The following TENM3 variants were observed in gnomAD, a reference collection of about 807,000 sequenced individuals.
TENM3 encodes teneurin-3.
Under a neutral mutation model 255.1 loss-of-function variants are expected in TENM3, and 63 were observed. The ratio of observed to expected loss-of-function variants is 0.25; its 90% CI spans 0.20 to 0.30. The LOEUF (loss-of-function observed/expected upper bound fraction) is 0.30, where lower values mean the gene tolerates loss of function less well. Among genes scored for constraint, TENM3 ranks in the 10% least tolerant of loss-of-function variants. The pLI is 1.00. For synonymous variants in TENM3, 1,306 were observed against 1,322.3 expected (o/e 0.99, Z 0.27); for missense variants, 2,929 against 3,461.1 (o/e 0.85, Z 3.86).
At chr4:181,709,659 A>G in the TENM3 span, among the ~76,000 whole-genome samples, 8 of 152,256 alleles carry the variant, frequency 5.3e-5, no homozygotes, top group Admixed American at 2.6e-4. Flanking sequence ...CATACAGGAC[A>G]TTGGAGGGAC....
At chr4:181,545,249 C>A in the TENM3 span, among the ~76,000 whole-genome samples, 6 of 151,526 alleles carry the variant, frequency 4.0e-5, no homozygotes, top group Non-Finnish European at 7.4e-5. Context: ...TGCTAGTAAA[C>A]AAATATGTAA....
At chr4:182,098,004 A>G in the TENM3 span, among the ~76,000 whole-genome samples, 1 of 152,208 alleles carries the variant, frequency 6.6e-6, no homozygotes, top group Non-Finnish European at 1.5e-5. Context: ...AAAGAATCCA[A>G]TGTTAAGATG....
chr4:181,853,237 A>T, the TENM3 span, among the ~76,000 whole-genome samples: 1 of 152,218 alleles, frequency 6.6e-6, no homozygotes, highest in Non-Finnish European at 1.5e-5. Context: ...TCCTCAAGGG[A>T]ATTTATCTCC....
chr4:182,786,430 T>G (rs533877864), intron 24 of TENM3, among the ~76,000 whole-genome samples: 20 of 151,964 alleles, frequency 1.3e-4, no homozygotes, highest in African/African-American at 4.8e-4. Flanking sequence ...TGGTGGCACA[T>G]GATTGTAATC....
At chr4:181,590,968 T>C in the TENM3 span, among the ~76,000 whole-genome samples, 1 of 152,198 alleles carries the variant, frequency 6.6e-6, no homozygotes, top group Admixed American at 6.5e-5. Flanking sequence ...ATATAAATAA[T>C]CTCCTTACTT....
At chr4:182,661,956 A>G (rs1454734491) in intron 6 of TENM3, among the ~76,000 whole-genome samples, 2 of 152,220 alleles carry the variant, frequency 1.3e-5, no homozygotes, top group Admixed American at 6.5e-5. Context: ...TTAGCATTTT[A>G]TAATTTTCAC....
chr4:181,537,330 G>T, the TENM3 span, among the ~76,000 whole-genome samples: 1 of 152,088 alleles, frequency 6.6e-6, no homozygotes, highest in Admixed American at 6.5e-5. Flanking sequence ...TTCTACATGA[G>T]ACATTTTCCT....
rs150764937 is a variant in TENM3 at position 182,612,977 on chromosome 4, G to A, written c.749+11816G>A. The stretch of plus-strand genomic sequence containing the variant: ...CCATGAACAACTCTCAACTCTTACC[G>A]CCGGAAATTCTTTTATTCTTCATAA... On this transcript the variant is annotated intron_variant, in intron 4 of 27. Coordinates refer to ENST00000511685, the MANE Select transcript of TENM3 (RefSeq NM_001080477.4). Among the ~76,000 whole-genome samples the A allele has an allele frequency of 4.2e-3, 640 of 152,106 alleles. 1 individual carries two copies. Among genetic ancestry groups the A allele is most frequent in the Non-Finnish European group, 6.8e-3 (463 of 67,988 alleles).
chr4:182,285,030 A>G (rs1360963688), intron 1 of TENM3, among the ~76,000 whole-genome samples: 1 of 152,180 alleles, frequency 6.6e-6, no homozygotes, highest in Non-Finnish European at 1.5e-5. Context: ...GAGTGAAAGA[A>G]CAAAGACACT....
intron 3 of TENM3, among the ~76,000 whole-genome samples, chr4:182,472,536 T>G (rs1251875531): frequency 6.6e-6 from 1 of 152,238 alleles, no homozygotes; most frequent in Non-Finnish European, 1.5e-5. Flanking sequence ...AAGGGTTTTC[T>G]TTGCCTCTTA....
At chr4:182,708,314 A>T (rs1758448666) in intron 12 of TENM3, among the ~76,000 whole-genome samples, 1 of 152,160 alleles carries the variant, frequency 6.6e-6, no homozygotes, top group South Asian at 2.1e-4. Context: ...ACCTGGTCAG[A>T]GCTACGAGAT....
the TENM3 span, among the ~76,000 whole-genome samples, chr4:181,595,819 T>C: frequency 2.6e-5 from 4 of 152,106 alleles, no homozygotes; most frequent in Non-Finnish European, 5.9e-5. Flanking sequence ...ATCCTTCTAC[T>C]TGGAACTCCA....
the TENM3 span, among the ~76,000 whole-genome samples, chr4:181,663,397 G>A: frequency 1.3e-5 from 2 of 152,066 alleles, no homozygotes; most frequent in Non-Finnish European, 2.9e-5. Flanking sequence ...TGGGGCCACC[G>A]TGCACTCTAA....
At chr4:181,721,737 A>G in the TENM3 span, among the ~76,000 whole-genome samples, 4 of 151,976 alleles carry the variant, frequency 2.6e-5, no homozygotes, top group African/African-American at 4.8e-5. Flanking sequence ...AAGATTTCAA[A>G]AAGGCAAAGT....
chr4:182,742,273 G>A (rs1761664645), intron 18 of TENM3, among the ~76,000 whole-genome samples: 1 of 152,152 alleles, frequency 6.6e-6, no homozygotes, highest in Non-Finnish European at 1.5e-5. Flanking sequence ...TATTCATTTG[G>A]AAGCTTTTCT....
chr4:181,859,116 C>A, the TENM3 span, among the ~76,000 whole-genome samples: 1 of 151,582 alleles, frequency 6.6e-6, no homozygotes, highest in African/African-American at 2.4e-5. Context: ...TGGCCACGCG[C>A]CTGTAGTCCC....
At chr4:181,604,296 T>C in the TENM3 span, among the ~76,000 whole-genome samples, 2 of 151,998 alleles carry the variant, frequency 1.3e-5, no homozygotes, top group Non-Finnish European at 2.9e-5. Flanking sequence ...GAAAAAGATA[T>C]CTGAATGATC....
At chr4:182,420,904 T>C (rs565156151) in intron 3 of TENM3, among the ~76,000 whole-genome samples, 1 of 152,308 alleles carries the variant, frequency 6.6e-6, no homozygotes, top group East Asian at 1.9e-4. Flanking sequence ...TCATTAATTA[T>C]TCCATTTTGG....
At chr4:181,642,369 T>C in the TENM3 span, among the ~76,000 whole-genome samples, 2 of 152,186 alleles carry the variant, frequency 1.3e-5, no homozygotes, top group Admixed American at 1.3e-4. Context: ...TTCTGGATGT[T>C]ATCCCTTTGT....
Sources: allele counts gnomAD v4.1 joint callset (sites outside exome capture counted in the v4.1 genomes callset), GRCh38; gene constraint gnomAD v4.1.1; transcripts MANE v1.5; gene names NCBI Gene and HGNC (gene_info 2026-07-23, HGNC 2026-07-21).